PLEKHA7: variants seen among roughly 807,000 people sequenced by gnomAD.
The protein encoded by PLEKHA7 is pleckstrin homology domain containing A7, also known as pleckstrin homology domain-containing family A member 7.
Under a neutral mutation model 170.0 loss-of-function variants are expected in PLEKHA7, and 104 were observed. The ratio of observed to expected loss-of-function variants is 0.61; its 90% CI spans 0.52 to 0.72. The LOEUF (loss-of-function observed/expected upper bound fraction) is 0.72, where lower values mean the gene tolerates loss of function less well. Ranked by LOEUF, PLEKHA7 falls within the 30% of genes least tolerant of loss-of-function variation. The pLI is 0.00. For missense variants in PLEKHA7, 1,615 were observed against 1,671.7 expected (o/e 0.97, Z 0.59); for synonymous variants, 648 against 660.8 (o/e 0.98, Z 0.30).
At chr11:16,781,117 T>G in intron 26 of PLEKHA7, 1 of 678,284 alleles carries the variant, frequency 1.5e-6, no homozygotes, top group Non-Finnish European at 1.8e-6. Flanking sequence ...CAGCACCAGA[T>G]GCCCCATTTG....
chr11:16,782,265 C>T (rs1425072430), intron 26 of PLEKHA7, among the ~76,000 whole-genome samples: 1 of 152,152 alleles, frequency 6.6e-6, no homozygotes. Flanking sequence ...TGGCACAGTA[C>T]ACTGTGATGA....
intron 4 of PLEKHA7, among the ~76,000 whole-genome samples, chr11:16,856,353 T>A (rs939187652): frequency 1.3e-5 from 2 of 152,106 alleles, no homozygotes; most frequent in Non-Finnish European, 2.9e-5. Context: ...TAACAAGAAA[T>A]CACTTGCGCA....
intron 3 of PLEKHA7, among the ~76,000 whole-genome samples, chr11:16,991,688 C>T (rs547715869): frequency 2.6e-5 from 4 of 152,130 alleles, no homozygotes; most frequent in African/African-American, 9.7e-5. Flanking sequence ...GACAAGATGA[C>T]GTGGGCCTCA....
intron 3 of PLEKHA7, among the ~76,000 whole-genome samples, chr11:16,998,759 G>T (rs1462604563): frequency 6.6e-6 from 1 of 151,956 alleles, no homozygotes; most frequent in African/African-American, 2.4e-5. Context: ...ATCTAGAAAT[G>T]CATTAAGGGG....
chr11:16,806,100 G>A (rs1481788644), intron 13 of PLEKHA7, among the ~76,000 whole-genome samples: 1 of 152,196 alleles, frequency 6.6e-6, no homozygotes. Context: ...CCCAGCCAGG[G>A]CCTAGCATAT....
chr11:16,956,901 T>C (rs1177501820), intron 3 of PLEKHA7, among the ~76,000 whole-genome samples: 2 of 166 alleles, frequency 0.012, no homozygotes, highest in African/African-American at 0.04. Flanking sequence ...AAAGTTACAC[T>C]GCCTTGAAGA....
chr11:16,886,802 G>C (rs1856141415), intron 3 of PLEKHA7, among the ~76,000 whole-genome samples: 2 of 151,132 alleles, frequency 1.3e-5, no homozygotes, highest in African/African-American at 2.4e-5. Flanking sequence ...TGTGACAACA[G>C]TGTATTTCTT....
At chr11:16,806,844 C>T (rs867715195) in intron 13 of PLEKHA7, among the ~76,000 whole-genome samples, 1 of 152,174 alleles carries the variant, frequency 6.6e-6, no homozygotes, top group Admixed American at 6.5e-5. Flanking sequence ...GGTGAGCCCT[C>T]GCCATGGAGG....
chr11:16,999,739 G>A (rs1029376233), intron 3 of PLEKHA7, among the ~76,000 whole-genome samples: 17 of 152,134 alleles, frequency 1.1e-4, no homozygotes, highest in South Asian at 6.2e-4. Flanking sequence ...ACAGGCTATC[G>A]CATTTCATTC....
chr11:16,841,030 T>C (rs1444470954), intron 9 of PLEKHA7, among the ~76,000 whole-genome samples: 1 of 152,134 alleles, frequency 6.6e-6, no homozygotes, highest in Non-Finnish European at 1.5e-5. Flanking sequence ...ATACCCAGAC[T>C]TTTTCAGGGC....
At chr11:16,803,718 G>A (rs1430741758) in intron 13 of PLEKHA7, among the ~76,000 whole-genome samples, 2 of 152,276 alleles carry the variant, frequency 1.3e-5, no homozygotes, top group African/African-American at 4.8e-5. Context: ...GGTGAGATGG[G>A]CAGACCCAGA....
chr11:16,997,786 C>T (rs1161478647), intron 3 of PLEKHA7, among the ~76,000 whole-genome samples: 1 of 152,208 alleles, frequency 6.6e-6, no homozygotes, highest in Non-Finnish European at 1.5e-5. Flanking sequence ...CAGTTTGCTT[C>T]CAGTGAGTCC....
At chr11:16,818,964 C>T (rs75351046) in intron 10 of PLEKHA7, among the ~76,000 whole-genome samples, 29,823 of 146,820 alleles carry the variant, frequency 0.2, 3,374 homozygotes, top group East Asian at 0.31. Context: ...CCACCACACC[C>T]GGCTAATTTT....
intron 3 of PLEKHA7, among the ~76,000 whole-genome samples, chr11:16,959,666 A>T (rs17773381): frequency 6.6e-6 from 1 of 151,996 alleles, no homozygotes; most frequent in African/African-American, 2.4e-5. Context: ...CCGTGAAACC[A>T]CAGTGGTATT....
intron 4 of PLEKHA7, among the ~76,000 whole-genome samples, chr11:16,866,678 T>C (rs1182343918): frequency 2.0e-5 from 3 of 152,228 alleles, no homozygotes; most frequent in Non-Finnish European, 4.4e-5. Context: ...CCTTTGCTGT[T>C]TTAAATCATG....
At chr11:16,857,115 G>A (rs897238325) in intron 4 of PLEKHA7, among the ~76,000 whole-genome samples, 4 of 152,154 alleles carry the variant, frequency 2.6e-5, no homozygotes, top group African/African-American at 7.2e-5. Context: ...TGTTTTCTTC[G>A]AAGACCCTGC....
intron 9 of PLEKHA7, among the ~76,000 whole-genome samples, chr11:16,840,905 G>C (rs1398496839): frequency 6.6e-6 from 1 of 152,186 alleles, no homozygotes; most frequent in Non-Finnish European, 1.5e-5. Flanking sequence ...TCCACCCTTA[G>C]GTTACAAGAG....
intron 3 of PLEKHA7, among the ~76,000 whole-genome samples, chr11:16,932,903 A>C (rs1860042742): frequency 6.6e-6 from 1 of 152,212 alleles, no homozygotes. Flanking sequence ...GCTGGAACTC[A>C]GTGACCAGTG....
At chr11:16,909,114 T>C (rs114585639) in intron 3 of PLEKHA7, among the ~76,000 whole-genome samples, 2 of 152,180 alleles carry the variant, frequency 1.3e-5, no homozygotes, top group African/African-American at 2.4e-5. Context: ...AAATGATACA[T>C]GCATTGTGCT....
Sources: gnomAD v4.1 joint callset for allele counts (sites outside exome capture counted in the v4.1 genomes callset) on GRCh38, gnomAD v4.1.1 for gene constraint, MANE v1.5 for transcripts, NCBI Gene and HGNC (gene_info 2026-07-23, HGNC 2026-07-21) for gene names.